The following ABCC9 variants were observed in gnomAD, a reference collection of about 807,000 sequenced individuals.
ABCC9 encodes ATP binding cassette subfamily C member 9.
In ABCC9, 95 loss-of-function variants were observed where a neutral mutation model predicts 188.3. The ratio of observed to expected loss-of-function variants is 0.50; its 90% CI spans 0.43 to 0.60. The LOEUF (loss-of-function observed/expected upper bound fraction) is 0.60, where lower values mean the gene tolerates loss of function less well. Among genes scored for constraint, ABCC9 ranks in the 20% least tolerant of loss-of-function variants. The pLI, the probability that ABCC9 is intolerant of heterozygous loss-of-function variation, is 0.00. For missense variants in ABCC9, 1,102 were observed against 1,876.3 expected, an observed-to-expected ratio of 0.59 and a Z score of 7.62; for synonymous variants, 659 against 652.7, an observed-to-expected ratio of 1.01 and a Z score of -0.15.
chr12:21,829,375 G>A (rs1380992105), intron 30 of ABCC9, among the ~76,000 whole-genome samples: 3 of 151,558 alleles, frequency 2.0e-5, no homozygotes, highest in Non-Finnish European at 4.4e-5. Flanking sequence ...CTAATTTTTT[G>A]TATTTTTAGT....
At chr12:21,823,017 G>A (rs898232537) in intron 31 of ABCC9, among the ~76,000 whole-genome samples, 3 of 152,136 alleles carry the variant, frequency 2.0e-5, no homozygotes, top group Non-Finnish European at 4.4e-5. Context: ...ATCACTAATA[G>A]CATTTATTCT....
intron 39 of ABCC9, among the ~76,000 whole-genome samples, chr12:21,804,984 G>A (rs934297304): frequency 2.0e-5 from 3 of 152,180 alleles, no homozygotes; most frequent in African/African-American, 7.2e-5. Context: ...GAAAACACAT[G>A]CATGAGCTCC....
intron 9 of ABCC9, 137 bp downstream of exon 9, chr12:21,910,689 A>G: frequency 1.3e-6 from 1 of 759,444 alleles, no homozygotes. Context: ...TTCATTAAGT[A>G]GATTATAGAA....
At chr12:21,909,430 C>T (rs1220393257) in intron 10 of ABCC9, among the ~76,000 whole-genome samples, 1 of 151,882 alleles carries the variant, frequency 6.6e-6, no homozygotes, top group Non-Finnish European at 1.5e-5. Flanking sequence ...GCTTCATCTA[C>T]AGAATGCAAA....
At chr12:21,833,139 G>A (rs1205941380) in intron 30 of ABCC9, among the ~76,000 whole-genome samples, 5 of 152,136 alleles carry the variant, frequency 3.3e-5, no homozygotes, top group Non-Finnish European at 7.4e-5. Flanking sequence ...TGGAAGAGGG[G>A]TGAGGAATAA....
At position 21,936,663 on chromosome 12, in the gene ABCC9, T is replaced by G; in HGVS notation, c.12A>C (p.Ser4=). MSL[S]FCGNNISSYN... ...ATGAAGAAATGTTGTTACCACAAAA[T>G]GAAAGGCTCATTTCTTCTTATATGG... The change falls in exon 3 of 40, where the codon TCA becomes TCC. Residue 4 remains serine, a synonymous_variant. Coordinates refer to ENST00000261200, the MANE Select transcript of ABCC9 (RefSeq NM_020297.4). 1 of 1,610,178 alleles carries G rather than the reference T, an allele frequency of 6.2e-7. No individual in the cohort carries two copies. Among genetic ancestry groups the G allele is most frequent in the African/African-American group, 1.3e-5 (1 of 74,912 alleles).
At chr12:21,861,989 G>A (rs1592096234) in intron 20 of ABCC9, among the ~76,000 whole-genome samples, 1 of 152,070 alleles carries the variant, frequency 6.6e-6, no homozygotes, top group East Asian at 1.9e-4. Context: ...AAGATGCTGG[G>A]GGAAATGGCA....
intron 4 of ABCC9, among the ~76,000 whole-genome samples, chr12:21,929,836 C>G (rs183862725): frequency 1.3e-5 from 2 of 152,108 alleles, no homozygotes; most frequent in East Asian, 3.9e-4. Context: ...TTTATATATA[C>G]ATATTTTTTT....
intron 24 of ABCC9, among the ~76,000 whole-genome samples, chr12:21,848,625 A>G (rs1301426199): frequency 1.3e-5 from 2 of 152,184 alleles, no homozygotes; most frequent in African/African-American, 4.8e-5. Context: ...ATGTTAATAC[A>G]TATCTTCCTT....
intron 2 of ABCC9, among the ~76,000 whole-genome samples, chr12:21,938,292 G>A (rs941837957): frequency 8.6e-5 from 13 of 152,024 alleles, no homozygotes; most frequent in African/African-American, 3.1e-4. Context: ...CTCTCTAGTT[G>A]AGTCTTTCCC....
intron 15 of ABCC9, among the ~76,000 whole-genome samples, chr12:21,886,032 T>C (rs1463728776): frequency 5.9e-5 from 9 of 152,204 alleles, no homozygotes; most frequent in Non-Finnish European, 1.3e-4. Flanking sequence ...CATTAACTTA[T>C]GACTCACGGT....
chr12:21,824,392 C>T (rs1253726424), intron 31 of ABCC9, among the ~76,000 whole-genome samples: 1 of 152,098 alleles, frequency 6.6e-6, no homozygotes, highest in Non-Finnish European at 1.5e-5. Flanking sequence ...ATTCAGTTTG[C>T]CAGTATTTTA....
At chr12:21,858,523 G>GAGCTGAGATGGTGCC (rs1945342301) in intron 22 of ABCC9, among the ~76,000 whole-genome samples, 1 of 151,454 alleles carries the variant, frequency 6.6e-6, no homozygotes. Flanking sequence ...AGGTTGCAGT[G>GAGCTGAGATGGTGCC]AGCTGAGATG....
intron 15 of ABCC9, among the ~76,000 whole-genome samples, chr12:21,885,401 C>G (rs1946822120): frequency 6.6e-6 from 1 of 152,016 alleles, no homozygotes; most frequent in African/African-American, 2.4e-5. Flanking sequence ...TTTCCAAAAC[C>G]TTTTCTCAGT....
At chr12:21,878,244 T>C (rs968166898) in intron 16 of ABCC9, among the ~76,000 whole-genome samples, 11 of 152,192 alleles carry the variant, frequency 7.2e-5, no homozygotes, top group Admixed American at 6.5e-4. Flanking sequence ...CAACCCAAGG[T>C]AGAACACACA....
chr12:21,872,813 A>G (rs1443059454), intron 17 of ABCC9, 83 bp from the exon 18 acceptor site: 1 of 1,103,908 alleles, frequency 9.1e-7, no homozygotes, highest in Non-Finnish European at 1.4e-6. Context: ...GAAAAAGCTA[A>G]TGTTTTACAA....
chr12:21,920,320 T>A (rs79470178), intron 5 of ABCC9, among the ~76,000 whole-genome samples: 3,618 of 152,188 alleles, frequency 0.024, 128 homozygotes, highest in African/African-American at 0.082. Flanking sequence ...GCAGATGGCA[T>A]GTTTGCTTAT....
At chr12:21,848,375 G>C (rs1944792893) in intron 24 of ABCC9, 129 bp from the exon 25 acceptor site, 1 of 764,160 alleles carries the variant, frequency 1.3e-6, no homozygotes, top group Non-Finnish European at 2.3e-6. Flanking sequence ...TCACTCTGGA[G>C]ATCCACAACT....
intron 16 of ABCC9, among the ~76,000 whole-genome samples, chr12:21,878,007 G>A (rs966600064): frequency 8.7e-4 from 3 of 3,464 alleles, no homozygotes; most frequent in African/African-American, 2.8e-3. Context: ...GGTTTCAATG[G>A]TGTTAAAAAA....
Sources: gnomAD v4.1 joint callset for allele counts (sites outside exome capture counted in the v4.1 genomes callset) on GRCh38, gnomAD v4.1.1 for gene constraint, MANE v1.5 for transcripts, NCBI Gene and HGNC (gene_info 2026-07-23, HGNC 2026-07-21) for gene names.